Variants in ZFYVE28 observed in about 807,000 individuals in gnomAD.
ZFYVE28 encodes the protein zinc finger FYVE-type containing 28.
A neutral mutation model predicts 82.1 loss-of-function variants in ZFYVE28; 40 were observed. The ratio of observed to expected loss-of-function variants is 0.49; its 90% CI spans 0.38 to 0.63. The LOEUF is 0.63. Ranked by LOEUF, ZFYVE28 falls within the 30% of genes least tolerant of loss-of-function variation. ZFYVE28 has a pLI of 0.00. For missense variants in ZFYVE28, 1,321 were observed against 1,242.1 expected, an observed-to-expected ratio of 1.06 and a Z score of -0.96; for synonymous variants, 612 against 546.1, an observed-to-expected ratio of 1.12 and a Z score of -1.68.
Position 2,304,690 on chromosome 4 carries a change from G to C in ZFYVE28, c.1650C>G (p.His550Gln). ...PVAEGMDGGP[H>Q]KLSTGATNCL... ...AGTTGGTGGCCCCAGTGCTAAGCTTGTGGGGGCCGCCATCCATCCCCTCGG... is the reference window on the plus strand; with the variant it reads ...AGTTGGTGGCCCCAGTGCTAAGCTTCTGGGGGCCGCCATCCATCCCCTCGG... Residue 550 changes from histidine (H) to glutamine (Q), a missense_variant, in exon 8 of 13, where the codon CAC (histidine) becomes CAG (glutamine). Physicochemically the swap from His to Gln is conservative, Grantham distance 24 (BLOSUM62 0). Around this residue, in one of 2 missense-constraint regions of ZFYVE28, gnomAD observed 978 missense variants for 833.7 expected, o/e 1.17. Transcript: ENST00000290974. The C allele has an allele frequency of 6.2e-7, 1 of 1,612,628 alleles. No homozygotes were observed. The highest frequency in any genetic ancestry group is 8.5e-7 in the Non-Finnish European group (1 of 1,179,906).
At chr4:2,306,972 G>A (rs1031050509) in intron 7 of ZFYVE28, 2 of 152,278 alleles carry the variant, frequency 1.3e-5, no homozygotes, top group African/African-American at 4.8e-5. Flanking sequence ...GCACACATGG[G>A]GTGGGACTGC....
intron 6 of ZFYVE28, chr4:2,330,887 C>G (rs1235654276): frequency 6.5e-7 from 1 of 1,534,546 alleles, no homozygotes; most frequent in Non-Finnish European, 8.7e-7. Flanking sequence ...GCAGGCAGAT[C>G]ACGGTGGGAG....
intron 1 of ZFYVE28, among the ~76,000 whole-genome samples, chr4:2,407,494 T>G (rs1394732155): frequency 6.6e-6 from 1 of 151,982 alleles, no homozygotes; most frequent in Non-Finnish European, 1.5e-5. Context: ...CTTATGAACC[T>G]GATGATTCAA....
rs572027518 is a variant in ZFYVE28, at chr4:2,309,673, T to C, written c.804-4137A>G. 1.2e-4 allele frequency among the ~76,000 whole-genome samples: 18 copies of C among 152,300 alleles called. No individual in the cohort carries two copies. In the East Asian group the frequency reaches 2.5e-3, roughly 21 times the overall value. On this transcript the variant is annotated intron_variant, in intron 7 of 12. Transcript: ENST00000290974. ...TTGCACTTGCTGGGCCAGAAAACAA[T>C]GTTAAATGGAGATAGTGAATAGTAG...
At position 2,305,898 on chromosome 4, in the gene ZFYVE28, C is replaced by G. The variant is rs115758503; in HGVS notation, c.804-362G>C. Among the ~76,000 whole-genome samples the G allele has an allele frequency of 3.3e-3, 496 of 152,342 alleles. 2 individuals are homozygous for G. The highest frequency in any genetic ancestry group is 0.011 in the African/African-American group (469 of 41,576). On this transcript the variant is annotated intron_variant, in intron 7 of 12. Coordinates refer to ENST00000290974, the MANE Select transcript of ZFYVE28 (RefSeq NM_020972.3). The stretch of plus-strand genomic sequence containing the variant: ...AAATACATGCTGGTTTACACATAAA[C>G]CTTCATCCTTTCATTCCACAAATAC...
intron 1 of ZFYVE28, among the ~76,000 whole-genome samples, chr4:2,368,859 T>C (rs1727194573): frequency 6.6e-6 from 1 of 152,240 alleles, no homozygotes; most frequent in South Asian, 2.1e-4. Flanking sequence ...ATGGCACTTC[T>C]GTGTTTAACT....
chr4:2,381,623 T>C (rs903091158), intron 1 of ZFYVE28, among the ~76,000 whole-genome samples: 12 of 152,252 alleles, frequency 7.9e-5, no homozygotes, highest in African/African-American at 2.6e-4. Context: ...GCCAGGCTGG[T>C]CTCAAGCTCC....
chr4:2,273,061 G>C, intron 10 of ZFYVE28, 112 bp downstream of exon 10: 1 of 860,902 alleles, frequency 1.2e-6, no homozygotes, highest in Non-Finnish European at 1.8e-6. Flanking sequence ...TTGCTTGGTC[G>C]GGACCCTATC....
chr4:2,301,085 G>A (rs2108819098), intron 8 of ZFYVE28, among the ~76,000 whole-genome samples: 1 of 152,290 alleles, frequency 6.6e-6, no homozygotes, highest in Non-Finnish European at 1.5e-5. Context: ...CTTTCTGTGT[G>A]TGTGAAGCTG....
At chr4:2,347,072 G>C (rs1290909745) in intron 2 of ZFYVE28, among the ~76,000 whole-genome samples, 1 of 152,078 alleles carries the variant, frequency 6.6e-6, no homozygotes, top group East Asian at 1.9e-4. Context: ...TAAGCTAAAA[G>C]TAAAAGGATT....
intron 1 of ZFYVE28, among the ~76,000 whole-genome samples, chr4:2,384,095 G>T (rs567919600): frequency 3.3e-5 from 5 of 152,268 alleles, no homozygotes; most frequent in East Asian, 1.9e-4. Context: ...TTTTTGGACT[G>T]GGGTACACAG....
In ZFYVE28 at chr4:2,337,508, T is replaced by C. The variant is rs986732646; in HGVS notation, c.522-12A>G. On this transcript the variant is annotated splice_polypyrimidine_tract_variant and intron_variant, in intron 4 of 12. Coordinates refer to ENST00000290974, the MANE Select transcript of ZFYVE28 (RefSeq NM_020972.3). ...TGGCCGAGACGTAGCTGCAAACACATGGAGACCTGTGAGGCCGCACCTGGG... is the reference window on the plus strand; with the variant it reads ...TGGCCGAGACGTAGCTGCAAACACACGGAGACCTGTGAGGCCGCACCTGGG... The C allele has an allele frequency of 3.1e-6, 5 of 1,591,904 alleles. No homozygotes were observed. Among genetic ancestry groups the C allele is most frequent in the Non-Finnish European group, 3.4e-6 (4 of 1,168,118 alleles).
At chr4:2,337,111 GC>G (rs1349317279) in intron 5 of ZFYVE28, among the ~76,000 whole-genome samples, 1 of 152,024 alleles carries the variant, frequency 6.6e-6, no homozygotes, top group African/African-American at 2.4e-5. Context: ...GAGCCTTCCA[GC>G]TTTTGTCCTC....
chr4:2,294,409 G>A (rs1714225543), intron 8 of ZFYVE28, among the ~76,000 whole-genome samples: 1 of 152,160 alleles, frequency 6.6e-6, no homozygotes, highest in Non-Finnish European at 1.5e-5. Flanking sequence ...AACAAAAATT[G>A]ATCCATGCCT....
chr4:2,417,987 G>T lies in ZFYVE28; in HGVS notation c.39+298C>A, dbSNP rs1330919029. On this transcript the variant is annotated intron_variant, in intron 1 of 12. Transcript: ENST00000290974. This position sits in a 1 kb window ranked among gnomAD's most constrained non-coding sequence, Gnocchi z 4.8. ...CAGGACCGGGATGAGGAGGGAGAGGGGCCCGTTGTGGCCCTGGATAGAGGG... is the reference window on the plus strand; with the variant it reads ...CAGGACCGGGATGAGGAGGGAGAGGTGCCCGTTGTGGCCCTGGATAGAGGG... Among the ~76,000 whole-genome samples the T allele has an allele frequency of 6.6e-6, 1 of 151,852 alleles. No individual in the cohort carries two copies. The highest frequency in any genetic ancestry group is 2.0e-4 in the East Asian group (1 of 5,110).
chr4:2,295,070 C>G lies in ZFYVE28; in HGVS notation c.2051+9219G>C, dbSNP rs117498351. Among the ~76,000 whole-genome samples the G allele has an allele frequency of 1.2e-4, 19 of 152,310 alleles. No homozygotes were observed. The East Asian group carries it at 3.1e-3, about 25-fold the overall frequency. ...AGAATGGCTAAAAAGCCCACCATACCAAGTGTTGACAAGGACACAGAGGAA... is the reference window on the plus strand; with the variant it reads ...AGAATGGCTAAAAAGCCCACCATACGAAGTGTTGACAAGGACACAGAGGAA... On this transcript the variant is annotated intron_variant, in intron 8 of 12. Transcript: ENST00000290974.
At chr4:2,276,252 G>T (rs1403376762) in intron 8 of ZFYVE28, among the ~76,000 whole-genome samples, 2 of 152,234 alleles carry the variant, frequency 1.3e-5, no homozygotes, top group African/African-American at 2.4e-5. Context: ...CACGGTAGGA[G>T]GCTTAGGGGG....
At chr4:2,371,807 C>A (rs1273577660) in intron 1 of ZFYVE28, among the ~76,000 whole-genome samples, 1 of 152,252 alleles carries the variant, frequency 6.6e-6, no homozygotes, top group Non-Finnish European at 1.5e-5. Context: ...GGGAAGGCCA[C>A]GCTGCGGGTT....
rs577525844 is a variant in ZFYVE28 at position 2,279,689 on chromosome 4, A to G, written c.2052-5473T>C. 4.1e-3 allele frequency among the ~76,000 whole-genome samples: 614 copies of G among 149,284 alleles called. 1 individual carries two copies. The highest frequency in any genetic ancestry group is 0.013 in the African/African-American group (545 of 40,414). ...CCAGCTACTCAGGAGGCTGAGGCAG[A>G]AGAATGGCGTGAACCCGGGAGGCGG... is the stretch of plus-strand genomic sequence containing the variant. On this transcript the variant is annotated intron_variant, in intron 8 of 12. Transcript: ENST00000290974.
Sources: allele counts gnomAD v4.1 joint callset (sites outside exome capture counted in the v4.1 genomes callset), GRCh38; gene constraint gnomAD v4.1.1; regional missense constraint gnomAD v4.1.1; non-coding constraint Gnocchi (gnomAD v3.1); transcripts MANE v1.5; gene names NCBI Gene and HGNC (gene_info 2026-07-23, HGNC 2026-07-21).